TENM2: variants seen among roughly 807,000 people sequenced by gnomAD.
TENM2 encodes the protein teneurin transmembrane protein 2, also known as teneurin-2.
A neutral mutation model predicts 245.2 loss-of-function variants in TENM2; 52 were observed. The ratio of observed to expected loss-of-function variants is 0.21; its 90% CI spans 0.17 to 0.27. TENM2 has a LOEUF of 0.27. Among genes scored for constraint, TENM2 ranks in the 10% least tolerant of loss-of-function variants. The pLI, the probability that TENM2 is intolerant of heterozygous loss-of-function variation, is 1.00. For missense variants in TENM2, 3,046 were observed against 3,666.8 expected (o/e 0.83, Z 4.37); for synonymous variants, 1,363 against 1,438.9 (o/e 0.95, Z 1.19).
chr5:167,308,813 G>A (rs1755839897), intron 1 of TENM2, among the ~76,000 whole-genome samples: 1 of 152,184 alleles, frequency 6.6e-6, no homozygotes, highest in African/African-American at 2.4e-5. Context: ...TGAGACCACA[G>A]TGTTTCCATT....
chr5:167,998,852 A>G (rs1310406673), intron 5 of TENM2, among the ~76,000 whole-genome samples: 3 of 152,170 alleles, frequency 2.0e-5, no homozygotes, highest in African/African-American at 7.2e-5. Context: ...AAAGTGTGGT[A>G]ATTTGGGGTG....
chr5:168,008,659 G>A (rs1355976560), intron 5 of TENM2, among the ~76,000 whole-genome samples: 1 of 152,150 alleles, frequency 6.6e-6, no homozygotes, highest in Admixed American at 6.5e-5. Flanking sequence ...TCAAAGAAAA[G>A]ACAGATTTGT....
At chr5:167,866,445 C>T (rs1270777810) in intron 2 of TENM2, among the ~76,000 whole-genome samples, 4 of 150,276 alleles carry the variant, frequency 2.7e-5, no homozygotes, top group African/African-American at 9.9e-5. Flanking sequence ...CTGCAGTGAG[C>T]CAAGATGGCA....
chr5:168,121,943 T>C (rs1416231863), intron 10 of TENM2, among the ~76,000 whole-genome samples: 2 of 152,248 alleles, frequency 1.3e-5, no homozygotes, highest in Non-Finnish European at 2.9e-5. Context: ...TTGTTCATAA[T>C]TTACAGATCC....
the TENM2 span, among the ~76,000 whole-genome samples, chr5:167,181,648 G>C: frequency 6.6e-5 from 10 of 152,046 alleles, no homozygotes; most frequent in African/African-American, 2.4e-4. Context: ...ATATATAAAT[G>C]AGTTCCTACT....
chr5:167,305,624 G>T (rs1755627219), intron 1 of TENM2, among the ~76,000 whole-genome samples: 1 of 152,160 alleles, frequency 6.6e-6, no homozygotes, highest in African/African-American at 2.4e-5. Context: ...AAATGATGTG[G>T]TAACAAATAC....
At chr5:167,905,052 T>C (rs967853187) in intron 3 of TENM2, among the ~76,000 whole-genome samples, 9 of 152,198 alleles carry the variant, frequency 5.9e-5, no homozygotes, top group African/African-American at 2.2e-4. Flanking sequence ...CAGCATTTCA[T>C]AAAACACATG....
the TENM2 span, among the ~76,000 whole-genome samples, chr5:167,204,499 G>A: frequency 1.3e-5 from 2 of 152,148 alleles, no homozygotes; most frequent in Non-Finnish European, 2.9e-5. Context: ...GCCCCTCACT[G>A]CAGGGAGTAG....
the TENM2 span, among the ~76,000 whole-genome samples, chr5:166,979,856 T>C: frequency 1.3e-5 from 2 of 152,300 alleles, no homozygotes; most frequent in Admixed American, 1.3e-4. Flanking sequence ...CTCTCTAATG[T>C]TCATCGCAAT....
chr5:167,198,126 C>G, the TENM2 span, among the ~76,000 whole-genome samples: 1 of 151,940 alleles, frequency 6.6e-6, no homozygotes, highest in African/African-American at 2.4e-5. Context: ...TTCACAGGCC[C>G]TGTGAGCCAA....
chr5:168,061,354 G>A (rs1285513778), intron 6 of TENM2, among the ~76,000 whole-genome samples: 1 of 152,014 alleles, frequency 6.6e-6, no homozygotes, highest in Non-Finnish European at 1.5e-5. Flanking sequence ...AAGTATAGGG[G>A]GTGCTGACTG....
chr5:167,879,040 G>C (rs1177490932), intron 3 of TENM2, among the ~76,000 whole-genome samples: 1 of 152,116 alleles, frequency 6.6e-6, no homozygotes. Context: ...TGTTGGTGAA[G>C]CCCATCATTA....
rs545505511 is a variant in TENM2, at chr5:168,059,142, G to A, written c.1310-2918G>A. Among the ~76,000 whole-genome samples the A allele has an allele frequency of 4.6e-5, 7 of 152,290 alleles. No individual in the cohort carries two copies. In the South Asian group the frequency reaches 1.5e-3, roughly 32 times the overall value. ...AGTAGCCTGTGCTGGCTGGTAGTGG[G>A]AGCTAATTTAGTCAGTGTCCTGAGG... is the stretch of plus-strand genomic sequence containing the variant. On this transcript the variant is annotated intron_variant, in intron 6 of 28. Coordinates refer to ENST00000518659, the Ensembl canonical transcript of TENM2.
intron 2 of TENM2, among the ~76,000 whole-genome samples, chr5:167,779,982 G>T (rs1422362533): frequency 6.6e-6 from 1 of 152,178 alleles, no homozygotes; most frequent in Non-Finnish European, 1.5e-5. Flanking sequence ...AGTTCCAGTT[G>T]CCTCATGGCA....
chr5:167,243,659 T>C, the TENM2 span, among the ~76,000 whole-genome samples: 1 of 152,196 alleles, frequency 6.6e-6, no homozygotes. Flanking sequence ...AAACTGCAGA[T>C]TTGTCTCCAT....
intron 2 of TENM2, among the ~76,000 whole-genome samples, chr5:167,799,884 A>G (rs1549310): frequency 0.11 from 16,683 of 152,236 alleles, 963 homozygotes; most frequent in East Asian, 0.15. Flanking sequence ...GCTTTGTACC[A>G]AAATTCAGAT....
chr5:167,102,142 C>G, the TENM2 span, among the ~76,000 whole-genome samples: 4 of 150,748 alleles, frequency 2.7e-5, no homozygotes, highest in Middle Eastern at 6.8e-3. Context: ...AGGAGAATTG[C>G]GTGAATCCAG....
At chr5:167,380,894 A>C (rs535954175) in intron 2 of TENM2, among the ~76,000 whole-genome samples, 1 of 152,164 alleles carries the variant, frequency 6.6e-6, no homozygotes, top group African/African-American at 2.4e-5. Flanking sequence ...TTGTTCAGTC[A>C]TTTTTTTAAG....
chr5:167,733,471 T>C (rs1662553154), intron 2 of TENM2, among the ~76,000 whole-genome samples: 1 of 152,192 alleles, frequency 6.6e-6, no homozygotes, highest in South Asian at 2.1e-4. Context: ...GATCCCATAA[T>C]ACTCAATACC....
Sources: gnomAD v4.1 joint callset for allele counts (sites outside exome capture counted in the v4.1 genomes callset) on GRCh38, gnomAD v4.1.1 for gene constraint, MANE v1.5 for transcripts, NCBI Gene and HGNC (gene_info 2026-07-23, HGNC 2026-07-21) for gene names.